Variants in ABL1 observed in about 807,000 individuals in gnomAD.
ABL1 encodes the protein tyrosine-protein kinase ABL1.
In ABL1, 11 loss-of-function variants were observed where a neutral mutation model predicts 94.7. That is an observed-to-expected ratio of 0.12 (90% CI 0.07 to 0.19). The LOEUF (loss-of-function observed/expected upper bound fraction) is 0.19, where lower values mean the gene tolerates loss of function less well. Ranked by LOEUF, ABL1 falls within the 10% of genes least tolerant of loss-of-function variation. The pLI, the probability that ABL1 is intolerant of heterozygous loss-of-function variation, is 1.00. For synonymous variants in ABL1, 656 were observed against 622.4 expected (o/e 1.05, Z -0.80); for missense variants, 1,082 against 1,489.4 (o/e 0.73, Z 4.50).
chr9:130,745,298 A>G (rs1831874727), intron 1 of ABL1, among the ~76,000 whole-genome samples: 1 of 151,970 alleles, frequency 6.6e-6, no homozygotes, highest in Admixed American at 6.6e-5. Context: ...TGGTCAAGCT[A>G]GTCTTGAACT....
Position 130,835,600 on chromosome 9 carries a change from G to T in ABL1, c.79+75G>T. 1.5e-6 allele frequency: 2 copies of T among 1,300,558 alleles called. No homozygotes were observed. 80.6% of individuals were successfully genotyped at this position (1,300,558 alleles called of 1,614,324 possible). ...TGCTGCTGGGCCCTTCCTAGGCCTC[G>T]CCGCCCGCGCGCTCCCGCCTGCGCC... On this transcript the variant is annotated intron_variant, in intron 1 of 10. Transcript: ENST00000318560. This position sits in a 1 kb window ranked among gnomAD's most constrained non-coding sequence, Gnocchi z 4.6.
intron 3 of ABL1, among the ~76,000 whole-genome samples, chr9:130,859,677 CTTTTTTTTTTTTTTT>C (rs869234280): frequency 1.3e-5 from 1 of 78,460 alleles, no homozygotes. Context: ...TCTTTCTTTC[CTTTTTTTTTTTTTTT>C]TTTTTTTTTT....
At position 130,885,369 on chromosome 9, in the gene ABL1, A is replaced by G. The variant is rs1831557616; in HGVS notation, c.3079A>G (p.Ile1027Val). 1.2e-6 allele frequency: 2 copies of G among 1,613,646 alleles called. No individual in the cohort carries two copies. The highest frequency in any genetic ancestry group is 1.7e-6 in the Non-Finnish European group (2 of 1,180,022). Residue 1027 changes from isoleucine to valine, a missense_variant, in exon 11 of 11, where the codon ATC becomes GTC. Physicochemically the swap from Ile to Val is conservative, Grantham distance 29. This residue lies in a region of ABL1 where 780 missense variants were observed against 835.8 expected (regional missense o/e 0.93). Coordinates refer to ENST00000318560, the MANE Select transcript of ABL1 (RefSeq NM_005157.6). The stretch of plus-strand genomic sequence containing the variant: ...TCCAGAGCGGATCGCCAGCGGCGCC[A>G]TCACCAAGGGCGTGGTCCTGGACAG... ...QPPERIASGA[I>V]TKGVVLDSTE...
chr9:130,766,600 G>A (rs1832186499), intron 1 of ABL1, among the ~76,000 whole-genome samples: 1 of 152,088 alleles, frequency 6.6e-6, no homozygotes, highest in South Asian at 2.1e-4. Context: ...TGGGGACAAG[G>A]CCACAGCCTG....
intron 1 of ABL1, among the ~76,000 whole-genome samples, chr9:130,765,504 G>T (rs1422634392): frequency 6.6e-6 from 1 of 152,148 alleles, no homozygotes; most frequent in African/African-American, 2.4e-5. Flanking sequence ...ATGGCCTTAC[G>T]ATAAATTCCT....
At chr9:130,785,928 TAAAAAAAAAAAA>T (rs34333699) in intron 1 of ABL1, among the ~76,000 whole-genome samples, 5 of 56,658 alleles carry the variant, frequency 8.8e-5, no homozygotes, top group South Asian at 7.3e-4. Flanking sequence ...GTCTCAAAAC[TAAAAAAAAAAAA>T]AAAAAAAAAA....
chr9:130,804,157 C>T (rs1039127112), intron 1 of ABL1, among the ~76,000 whole-genome samples: 1 of 151,426 alleles, frequency 6.6e-6, no homozygotes, highest in Non-Finnish European at 1.5e-5. Flanking sequence ...GAGATCGAGA[C>T]AATCCTGGCT....
chr9:130,852,692 A>C (rs1345800799), intron 1 of ABL1, among the ~76,000 whole-genome samples: 1 of 152,168 alleles, frequency 6.6e-6, no homozygotes, highest in Admixed American at 6.5e-5. Flanking sequence ...AAAAAAAGGC[A>C]AGAAGAAACT....
In ABL1 at chr9:130,880,688, C is replaced by A; in HGVS notation, c.1678+24C>A. ...CGGTAAGTCCCCCGCTTCCCCCAAC[C>A]CCACTGCTCTTCCCTTCCCTGCCAG... On this transcript the variant is annotated intron_variant, in intron 10 of 10. Coordinates refer to ENST00000318560, the MANE Select transcript of ABL1 (RefSeq NM_005157.6). This position sits in a 1 kb window ranked among gnomAD's most constrained non-coding sequence, Gnocchi z 4.4. The A allele has an allele frequency of 6.2e-7, 1 of 1,610,260 alleles. No individual in the cohort carries two copies. The highest frequency in any genetic ancestry group is 8.5e-7 in the Non-Finnish European group (1 of 1,178,506).
rs150682032 is a variant in ABL1 at position 130,718,477 on chromosome 9, A to C, written c.136+4022A>C. Among the ~76,000 whole-genome samples the C allele has an allele frequency of 3.3e-5, 5 of 152,292 alleles. No homozygotes were observed. In the East Asian group the frequency reaches 7.7e-4, roughly 23 times the overall value. The stretch of plus-strand genomic sequence containing the variant: ...TTTTAAATGAATAATTATGTTTTTA[A>C]ATTTCAGTATTCATTTCTAATGTGG... On this transcript the variant is annotated intron_variant, in intron 1 of 10. Coordinates refer to the ABL1 transcript ENST00000372348.
rs141824678 is a variant in ABL1, at chr9:130,884,603, G to A, written c.2313G>A (p.Arg771=). 8 of 1,613,270 alleles carry A rather than the reference G, an allele frequency of 5.0e-6. No individual in the cohort carries two copies. The South Asian group carries it at 7.7e-5, about 15-fold the overall frequency. ...CTCGGAAGAGGGCAGGGGAGAACAG[G>A]TCTGACCAGGTGACCCGAGGCACAG... The part of the protein sequence containing the change: ...ALPRKRAGEN[R]SDQVTRGTVT... The change falls in exon 11 of 11, where the codon AGG becomes AGA. Residue 771 remains arginine (R), a synonymous_variant. Coordinates refer to ENST00000318560, the MANE Select transcript of ABL1 (RefSeq NM_005157.6). This position sits in a 1 kb window ranked among gnomAD's most constrained non-coding sequence, Gnocchi z 5.6.
intron 1 of ABL1, among the ~76,000 whole-genome samples, chr9:130,758,026 C>T (rs2132742051): frequency 6.6e-6 from 1 of 152,190 alleles, no homozygotes; most frequent in Middle Eastern, 3.4e-3. Flanking sequence ...ATAATAATCC[C>T]TTCCTTGAAG....
At chr9:130,741,245 TGCC>T in intron 1 of ABL1, among the ~76,000 whole-genome samples, 5 of 152,068 alleles carry the variant, frequency 3.3e-5, no homozygotes, top group African/African-American at 1.2e-4. Context: ...CACCCACAAA[TGCC>T]ACAGCAGACC....
intron 1 of ABL1, among the ~76,000 whole-genome samples, chr9:130,742,281 T>A (rs1010844139): frequency 1.3e-5 from 2 of 152,178 alleles, no homozygotes; most frequent in Non-Finnish European, 2.9e-5. Context: ...AGCTTTTCGG[T>A]GATTAATCCA....
At chr9:130,825,548 G>C (rs544284298) in intron 1 of ABL1, among the ~76,000 whole-genome samples, 1 of 152,260 alleles carries the variant, frequency 6.6e-6, no homozygotes, top group Admixed American at 6.5e-5. Context: ...ATAATAATTT[G>C]ACAGCTTTAG....
intron 1 of ABL1, among the ~76,000 whole-genome samples, chr9:130,817,575 C>T (rs377711124): frequency 2.0e-5 from 3 of 152,180 alleles, no homozygotes; most frequent in East Asian, 1.9e-4. Context: ...AGGGTGGACG[C>T]GTCAGGTTGT....
At chr9:130,830,842 G>A (rs890907275), upstream of ABL1, among the ~76,000 whole-genome samples, 8 of 152,112 alleles carry the variant, frequency 5.3e-5, no homozygotes, top group East Asian at 3.8e-4. Context: ...AGGTGAAGTC[G>A]TTGCCCATGG....
Position 130,841,936 on chromosome 9 carries a change from T to TAGAGAG in ABL1, c.79+6420_79+6425dup, listed in dbSNP as rs35461924. Among the ~76,000 whole-genome samples the TAGAGAG allele has an allele frequency of 8.1e-3, 1,108 of 137,398 alleles. 6 individuals carry two copies. Among genetic ancestry groups the TAGAGAG allele is most frequent in the African/African-American group, 0.019 (699 of 37,368 alleles). 90.1% of individuals were successfully genotyped at this position (137,398 alleles called of 152,430 possible). A position where few individuals can be genotyped will look rare whatever the true frequency, so the allele number is the denominator to read the frequency against. On this transcript the variant is annotated intron_variant, in intron 1 of 10. Coordinates refer to ENST00000318560, the MANE Select transcript of ABL1 (RefSeq NM_005157.6). ...CAGAGAGAAATAGGTGGGAAGGAGA[T>TAGAGAG]AGAGAGAGAGAGAGGGAGGGAGGAA...
chr9:130,713,411 C>T (rs1197856078), exon 1 of ABL1, among the ~76,000 whole-genome samples: 3 of 152,180 alleles, frequency 2.0e-5, no homozygotes, highest in Admixed American at 2.0e-4. Context: ...GCTTGGGACA[C>T]CCCGTTTTCT....
Sources: allele counts gnomAD v4.1 joint callset (sites outside exome capture counted in the v4.1 genomes callset), GRCh38; gene constraint gnomAD v4.1.1; regional missense constraint gnomAD v4.1.1; non-coding constraint Gnocchi (gnomAD v3.1); transcripts MANE v1.5; gene names NCBI Gene and HGNC (gene_info 2026-07-23, HGNC 2026-07-21).